The following DOCK9 variants were observed in gnomAD, a reference collection of about 807,000 sequenced individuals.
The protein encoded by DOCK9 is dedicator of cytokinesis 9.
A neutral mutation model predicts 263.3 loss-of-function variants in DOCK9; 89 were observed. That is an observed-to-expected ratio of 0.34 (90% confidence interval 0.28 to 0.40). The LOEUF (loss-of-function observed/expected upper bound fraction) is 0.40, where lower values mean the gene tolerates loss of function less well. DOCK9 is among the 10% of genes least tolerant of loss of function. The pLI is 1.00. For missense variants in DOCK9, 2,140 were observed against 2,603.4 expected (o/e 0.82, Z 3.87); for synonymous variants, 976 against 973.1 (o/e 1.00, Z -0.06).
In DOCK9 at chr13:98,883,035, G is replaced by A; in HGVS notation, c.2559+7C>T. ...TAAAAGGGGATACTAAGAAAGCCAT[G>A]TGATACCTTAAGGTACTTTACAAGT... On this transcript the variant is annotated splice_region_variant and intron_variant, in intron 23 of 52. Transcript: ENST00000682017. 6.2e-7 allele frequency: 1 copy of A among 1,610,600 alleles called. No individual in the cohort carries two copies. The highest frequency in any genetic ancestry group is 8.5e-7 in the Non-Finnish European group (1 of 1,178,610).
intron 1 of DOCK9, among the ~76,000 whole-genome samples, chr13:99,030,305 A>AC (rs1887195770): frequency 1.3e-5 from 2 of 152,252 alleles, no homozygotes; most frequent in African/African-American, 4.8e-5. Flanking sequence ...CAGGCATATG[A>AC]AATAAATCAT....
chr13:98,976,441 T>C (rs2060288058), intron 1 of DOCK9, among the ~76,000 whole-genome samples: 1 of 152,198 alleles, frequency 6.6e-6, no homozygotes, highest in South Asian at 2.1e-4. Context: ...TTCAGTCCTG[T>C]AGACAAATAT....
chr13:98,905,943 TG>T, intron 9 of DOCK9, among the ~76,000 whole-genome samples: 1 of 152,296 alleles, frequency 6.6e-6, no homozygotes, highest in Middle Eastern at 3.4e-3. Context: ...ATGTCTTTCT[TG>T]GGTTATCACA....
intron 2 of DOCK9, among the ~76,000 whole-genome samples, chr13:98,936,207 T>C (rs1343009463): frequency 6.6e-6 from 1 of 152,048 alleles, no homozygotes; most frequent in Non-Finnish European, 1.5e-5. Flanking sequence ...CCGAGACCTG[T>C]CTGAACAGCT....
At chr13:98,882,967 C>T (rs768400599) in intron 23 of DOCK9, 75 bp downstream of exon 23, 3 of 1,223,224 alleles carry the variant, frequency 2.5e-6, no homozygotes, top group Non-Finnish European at 3.5e-6. Flanking sequence ...GTGAGAACAC[C>T]ACTCACCACC....
rs910082228 is a variant in DOCK9 at position 98,825,745 on chromosome 13, C to G, written c.5023+1085G>C. On this transcript the variant is annotated intron_variant, in intron 44 of 52. Transcript: ENST00000682017. The surrounding 1 kb of genome is among the most constrained non-coding windows in gnomAD (Gnocchi z 4.1). Reference sequence around the variant, plus strand: ...AGGAATAGACCAGCCAACCAGAGAGCCACAGAGTAGGAGGGAAGGAGAGTG... The same window carrying G: ...AGGAATAGACCAGCCAACCAGAGAGGCACAGAGTAGGAGGGAAGGAGAGTG... 1.8e-6 allele frequency: 1 copy of G among 571,278 alleles called. No homozygotes were observed. Among genetic ancestry groups the G allele is most frequent in the African/African-American group, 1.9e-5 (1 of 51,416 alleles). The allele number at this position is 571,278 out of a possible 1,614,324, so 35.4% of individuals were successfully genotyped here. A position where few individuals can be genotyped will look rare whatever the true frequency, so the allele number is the denominator to read the frequency against.
intron 30 of DOCK9, among the ~76,000 whole-genome samples, chr13:98,863,802 T>C (rs1171316202): frequency 6.6e-6 from 1 of 152,158 alleles, no homozygotes; most frequent in African/African-American, 2.4e-5. Flanking sequence ...TTGGAACATA[T>C]TGCATCCTAC....
chr13:98,951,739 G>A (rs1398584049), intron 2 of DOCK9, among the ~76,000 whole-genome samples: 1 of 152,162 alleles, frequency 6.6e-6, no homozygotes, highest in East Asian at 1.9e-4. Context: ...AGATGCTGCT[G>A]GCAAGGAGAA....
chr13:98,860,741 G>T (rs1218287192), intron 32 of DOCK9, among the ~76,000 whole-genome samples: 4 of 151,146 alleles, frequency 2.6e-5, no homozygotes, highest in African/African-American at 9.8e-5. Context: ...GGGTGGGGGT[G>T]GGGGAGAGAA....
At chr13:99,028,133 ATTT>A (rs1886968491) in intron 1 of DOCK9, among the ~76,000 whole-genome samples, 2 of 152,284 alleles carry the variant, frequency 1.3e-5, no homozygotes, top group South Asian at 4.1e-4. Context: ...AGAGGTCCTG[ATTT>A]TAAGGGAGCT....
chr13:98,881,883 C>A lies in DOCK9; in HGVS notation c.2675+9G>T. The A allele has an allele frequency of 6.4e-7, 1 of 1,558,486 alleles. No individual in the cohort carries two copies. The highest frequency in any genetic ancestry group is 1.9e-5 in the Admixed American group (1 of 51,992). ...GAAGTGAGGAAGAGCATCCATCCAC[C>A]TCCCTTACCGAGTCACGTTAACCGC... On this transcript the variant is annotated intron_variant, in intron 24 of 52. Transcript: ENST00000682017.
At chr13:99,001,777 C>A (rs549713753) in intron 1 of DOCK9, among the ~76,000 whole-genome samples, 122 of 152,342 alleles carry the variant, frequency 8.0e-4, no homozygotes, top group Non-Finnish European at 1.5e-3. Context: ...GAAGCTCAAG[C>A]GTCCGCATGC....
At chr13:98,950,376 G>T in intron 2 of DOCK9, 1 of 936,186 alleles carries the variant, frequency 1.1e-6, no homozygotes, top group Non-Finnish European at 1.7e-6. Context: ...TGGCTTTGAG[G>T]GCTTGATAAG....
chr13:98,848,661 A>G (rs2093464065), intron 36 of DOCK9, 22 bp from the exon 37 acceptor site: 2 of 1,606,282 alleles, frequency 1.2e-6, no homozygotes, highest in Non-Finnish European at 1.7e-6. Context: ...ATGAAAAATT[A>G]TTAGGGAAAT....
chr13:98,896,525 A>G (rs562484799), intron 15 of DOCK9, among the ~76,000 whole-genome samples: 13 of 152,054 alleles, frequency 8.5e-5, no homozygotes, highest in Admixed American at 2.6e-4. Flanking sequence ...TTTGGCATAG[A>G]ATAGTTAGCA....
intron 27 of DOCK9, among the ~76,000 whole-genome samples, chr13:98,878,136 T>A (rs2044161078): frequency 6.6e-6 from 1 of 152,202 alleles, no homozygotes; most frequent in African/African-American, 2.4e-5. Context: ...GAAGGCTGCA[T>A]CTACAAGCCA....
In DOCK9 at chr13:98,956,578, C is replaced by T. The variant is rs550386452; in HGVS notation, c.127-1027G>A. 1.4e-4 allele frequency among the ~76,000 whole-genome samples: 21 copies of T among 151,904 alleles called. No homozygotes were observed. In the South Asian group the frequency reaches 4.2e-3, roughly 30 times the overall value. On this transcript the variant is annotated intron_variant, in intron 1 of 52. Transcript: ENST00000682017. ...CCTGGCCAACACGATGAAACCCTGT[C>T]ACTACAAAAAGTATAAAAATTAGCC... is the stretch of plus-strand genomic sequence containing the variant.
intron 1 of DOCK9, among the ~76,000 whole-genome samples, chr13:98,999,316 ACT>A (rs903855891): frequency 2.0e-4 from 28 of 138,298 alleles, no homozygotes; most frequent in Middle Eastern, 3.9e-3. Context: ...ACACACACAC[ACT>A]CTCTCTCTCT....
chr13:98,979,506 C>G (rs989920177), upstream of DOCK9, among the ~76,000 whole-genome samples: 6 of 152,162 alleles, frequency 3.9e-5, no homozygotes, highest in African/African-American at 1.4e-4. Context: ...AAGAGTGAAG[C>G]TGAAGCTGGG....
Sources: allele counts gnomAD v4.1 joint callset (sites outside exome capture counted in the v4.1 genomes callset), GRCh38; gene constraint gnomAD v4.1.1; non-coding constraint Gnocchi (gnomAD v3.1); transcripts MANE v1.5; gene names NCBI Gene and HGNC (gene_info 2026-07-23, HGNC 2026-07-21).